Variants in RFC5 observed in about 807,000 individuals in gnomAD.
RFC5 encodes the protein replication factor C subunit 5, also known as A1 36 kDa subunit.
A neutral mutation model predicts 44.3 loss-of-function variants in RFC5; 26 were observed. That is an observed-to-expected ratio of 0.59 (90% CI 0.43 to 0.81). The LOEUF is 0.81. Ranked by LOEUF, RFC5 falls within the 40% of genes least tolerant of loss-of-function variation. RFC5 has a pLI of 0.00. For missense variants in RFC5, 328 were observed against 418.6 expected, an observed-to-expected ratio of 0.78 and a Z score of 1.89; for synonymous variants, 155 against 155.2, an observed-to-expected ratio of 1.00 and a Z score of 0.01.
At chr12:118,023,501 A>AGGG (rs2030694761) in intron 5 of RFC5, among the ~76,000 whole-genome samples, 1 of 30,230 alleles carries the variant, frequency 3.3e-5, no homozygotes, top group South Asian at 1.3e-3. Flanking sequence ...GGAGGAGGAG[A>AGGG]GGTGGGGGAG....
intron 1 of RFC5, 80 bp from the exon 2 acceptor site, chr12:118,018,992 C>G: frequency 9.1e-7 from 1 of 1,096,632 alleles, no homozygotes; most frequent in Non-Finnish European, 1.4e-6. Context: ...AGCCACTGTG[C>G]CTGACCTGCA....
At chr12:118,035,297 A>T (rs2031484463), downstream of RFC5, 2 of 1,614,098 alleles carry the variant, frequency 1.2e-6, no homozygotes, top group African/African-American at 1.3e-5. Flanking sequence ...CGTCACTGTC[A>T]TCCATGGCGG....
At chr12:118,036,594 A>C (rs1236146659), downstream of RFC5, 7 of 1,409,396 alleles carry the variant, frequency 5.0e-6, no homozygotes, top group Non-Finnish European at 6.8e-6. Context: ...ACCACCACCA[A>C]ATCTGCAGGC....
intron 10 of RFC5, among the ~76,000 whole-genome samples, chr12:118,030,295 A>G (rs1167571774): frequency 6.6e-6 from 1 of 152,208 alleles, no homozygotes; most frequent in Non-Finnish European, 1.5e-5. Flanking sequence ...TGGGTTCAAC[A>G]TAGACGTCAG....
At position 118,019,284 on chromosome 12, in the gene RFC5, A is replaced by G. The variant is rs1566120547; in HGVS notation, c.130+148A>G. The stretch of plus-strand genomic sequence containing the variant: ...TTAAGATCATTCATTCATTTTCTTC[A>G]GGTTGCTACAGTCCAGTGGGTAAGT... On this transcript the variant is annotated intron_variant, in intron 2 of 10. Transcript: ENST00000454402. This position sits in a 1 kb window ranked among gnomAD's most constrained non-coding sequence, Gnocchi z 4.2. 4 of 690,308 alleles carry G rather than the reference A, an allele frequency of 5.8e-6. No homozygotes were observed. The highest frequency in any genetic ancestry group is 1.0e-5 in the Non-Finnish European group (4 of 390,912). 42.8% of individuals were successfully genotyped at this position (690,308 alleles called of 1,614,324 possible). A position where few individuals can be genotyped will look rare whatever the true frequency, so the allele number is the denominator to read the frequency against.
rs560782329 is a variant in RFC5, at chr12:118,021,697, C to T, written c.348-589C>T. Among the ~76,000 whole-genome samples, 12 of 150,154 alleles carry T rather than the reference C, an allele frequency of 8.0e-5. No individual in the cohort carries two copies. In the South Asian group the frequency reaches 2.5e-3, roughly 32 times the overall value. ...GAGGGCCGGGCGCAGTGGCTCACAC[C>T]TGTAATCCTAGGACTTTGGGAGGCC... On this transcript the variant is annotated intron_variant, in intron 4 of 10. Coordinates refer to ENST00000454402, the MANE Select transcript of RFC5 (RefSeq NM_007370.7).
the RFC5 span, chr12:118,038,423 C>T: frequency 2.3e-5 from 37 of 1,596,274 alleles, no homozygotes; most frequent in Non-Finnish European, 2.8e-5. Context: ...TGAGCCAGTC[C>T]TCAACAAAGC....
At chr12:118,025,695 A>T (rs2030882863) in intron 6 of RFC5, 52 bp from the exon 7 acceptor site, 2 of 1,012,962 alleles carry the variant, frequency 2.0e-6, no homozygotes, top group Admixed American at 1.7e-5. Flanking sequence ...CCTTTGGTGA[A>T]TGCTGGTGCT....
chr12:118,020,311 A>G (rs1384756043), intron 3 of RFC5, among the ~76,000 whole-genome samples: 3 of 151,846 alleles, frequency 2.0e-5, no homozygotes, highest in Admixed American at 6.6e-5. Flanking sequence ...GCCTACAGCC[A>G]CTCCCTTCAC....
At chr12:118,029,653 G>C in intron 9 of RFC5, 118 bp from the exon 10 acceptor site, 1 of 636,394 alleles carries the variant, frequency 1.6e-6, no homozygotes, top group Non-Finnish European at 2.6e-6. Flanking sequence ...CTAGTGAGCA[G>C]GCTGAGGCCT....
downstream of RFC5, chr12:118,034,889 A>C (rs752697955): frequency 7.9e-5 from 95 of 1,200,752 alleles, no homozygotes; most frequent in Non-Finnish European, 1.0e-4. Flanking sequence ...AGCTTTCCTC[A>C]TAGGCAAGAA....
chr12:118,037,400 C>T (rs2031536574), downstream of RFC5, among the ~76,000 whole-genome samples: 1 of 152,030 alleles, frequency 6.6e-6, no homozygotes, highest in Admixed American at 6.6e-5. Flanking sequence ...GGCGCGGTGG[C>T]TCACGCCTGC....
In RFC5 at chr12:118,019,558, C is replaced by A; in HGVS notation, c.131-74C>A. ...TGAATTGGGTTGAAGAGCTTTCAGC[C>A]CAACTCAGGAGCCCAGGGTGAATGA... On this transcript the variant is annotated intron_variant, in intron 2 of 10. Transcript: ENST00000454402. The surrounding 1 kb of genome is among the most constrained non-coding windows in gnomAD (Gnocchi z 4.2). The A allele has an allele frequency of 6.4e-7, 1 of 1,566,218 alleles. No individual in the cohort carries two copies. Among genetic ancestry groups the A allele is most frequent in the Non-Finnish European group, 8.7e-7 (1 of 1,145,078 alleles).
At chr12:118,018,819 G>A (rs188690012) in intron 1 of RFC5, among the ~76,000 whole-genome samples, 15 of 151,996 alleles carry the variant, frequency 9.9e-5, no homozygotes, top group African/African-American at 2.2e-4. Context: ...GCATATTATC[G>A]GGTTAGCAGA....
intron 3 of RFC5, among the ~76,000 whole-genome samples, chr12:118,020,618 C>A (rs1286726946): frequency 2.6e-5 from 4 of 152,212 alleles, no homozygotes; most frequent in African/African-American, 9.6e-5. Flanking sequence ...AAATTTGTAT[C>A]ATTCTGCTCA....
chr12:118,038,183 A>G, the RFC5 span: 1 of 1,071,180 alleles, frequency 9.3e-7, no homozygotes, highest in Non-Finnish European at 1.3e-6. Context: ...CATGCCTTCT[A>G]TTGGGGTGGA....
At chr12:118,041,247 G>A in the RFC5 span, among the ~76,000 whole-genome samples, 8 of 152,236 alleles carry the variant, frequency 5.3e-5, no homozygotes, top group East Asian at 1.5e-3. Flanking sequence ...GGTCATGAGG[G>A]TGAAGCCTCA....
intron 7 of RFC5, among the ~76,000 whole-genome samples, chr12:118,026,223 TTTTGAAATCTACA>T (rs1166684947): frequency 2.6e-5 from 4 of 152,190 alleles, no homozygotes; most frequent in African/African-American, 9.6e-5. Context: ...AATCTGTAAA[TTTTGAAATCTACA>T]GCTGGTAAGA....
Position 118,025,079 on chromosome 12 carries a change from C to T in RFC5, c.581+69C>T, listed in dbSNP as rs572194764. The T allele has an allele frequency of 1.9e-4, 275 of 1,484,690 alleles. 1 individual carries two copies. The highest frequency in any genetic ancestry group is 1.4e-3 in the East Asian group (62 of 44,012). The allele number at this position is 1,484,690 out of a possible 1,614,324, so 92.0% of individuals were successfully genotyped here. The stretch of plus-strand genomic sequence containing the variant: ...AGGCTTGTGGGATCACTGGCTGGTT[C>T]GTATGTAGAGGAGAGGAATGTTGGA... On this transcript the variant is annotated intron_variant, in intron 6 of 10. Transcript: ENST00000454402.
Sources: allele counts gnomAD v4.1 joint callset (sites outside exome capture counted in the v4.1 genomes callset), GRCh38; gene constraint gnomAD v4.1.1; non-coding constraint Gnocchi (gnomAD v3.1); transcripts MANE v1.5; gene names NCBI Gene and HGNC (gene_info 2026-07-23, HGNC 2026-07-21).